Variants in ENTPD7 observed in about 807,000 individuals in gnomAD.
ENTPD7 encodes ectonucleoside triphosphate diphosphohydrolase 7.
ENTPD7 carries 53 observed loss-of-function variants against 77.9 expected under a neutral mutation model. The observed-to-expected ratio is 0.68, with a 90% CI of 0.55 to 0.85. The LOEUF (loss-of-function observed/expected upper bound fraction) is 0.85. ENTPD7 is among the 40% of genes least tolerant of loss of function. ENTPD7 has a pLI of 0.00. For synonymous variants in ENTPD7, 248 were observed against 274.9 expected (o/e 0.90, Z 0.97); for missense variants, 636 against 743.7 (o/e 0.86, Z 1.68).
At chr10:99,698,956 A>C in intron 10 of ENTPD7, 98 bp downstream of exon 10, 1 of 1,134,154 alleles carries the variant, frequency 8.8e-7, no homozygotes, top group Non-Finnish European at 1.2e-6. Context: ...TTGCATACAG[A>C]ATCTCACTTG....
At chr10:99,669,042 C>CTT (rs35881509) in intron 3 of ENTPD7, among the ~76,000 whole-genome samples, 37 of 137,794 alleles carry the variant, frequency 2.7e-4, no homozygotes, top group Middle Eastern at 3.6e-3. Context: ...TTTTATATAT[C>CTT]TTTTTTTTTT....
chr10:99,690,657 C>T (rs1234579698), intron 7 of ENTPD7, among the ~76,000 whole-genome samples: 2 of 152,004 alleles, frequency 1.3e-5, no homozygotes, highest in Admixed American at 1.3e-4. Context: ...ATTCTCCTGC[C>T]TCAGCCCCCT....
chr10:99,689,741 A>G (rs1175347609), intron 7 of ENTPD7, among the ~76,000 whole-genome samples: 1 of 152,210 alleles, frequency 6.6e-6, no homozygotes, highest in East Asian at 1.9e-4. Context: ...TCTGCCTTTC[A>G]TGGAATTGTG....
Position 99,685,799 on chromosome 10 carries a change from T to A in ENTPD7, c.556T>A (p.Leu186Met). ...GMRLLPERKQ[L>M]AILADLVKDL... ...TTTTGTTCTTTCTTGCAGGAAGCAG[T>A]TGGCTATCTTGGCTGACCTAGTGAA... Residue 186 changes from leucine to methionine, a missense_variant, in exon 6 of 13, where the codon TTG (leucine) becomes ATG (methionine). Physicochemically the swap from Leu to Met is conservative, Grantham distance 15. This residue lies in a region of ENTPD7 where 486 missense variants were observed against 556.5 expected (regional missense o/e 0.87). Transcript: ENST00000370489. 6.2e-7 allele frequency: 1 copy of A among 1,613,432 alleles called. No individual in the cohort carries two copies. Among genetic ancestry groups the A allele is most frequent in the Non-Finnish European group, 8.5e-7 (1 of 1,179,512 alleles).
chr10:99,684,536 A>T (rs182143473), intron 5 of ENTPD7, among the ~76,000 whole-genome samples: 99 of 152,338 alleles, frequency 6.5e-4, no homozygotes, highest in Admixed American at 5.4e-3. Flanking sequence ...ATAACAATGA[A>T]CTTTTTTTAA....
At position 99,704,777 on chromosome 10, in the gene ENTPD7, T is replaced by TG. The variant is rs1157873791; in HGVS notation, c.*95dup. Reference sequence around the variant, plus strand: ...ATATAGCCTCAGATGCTGTGATGTCTGACCTTGTGGATATTTGCCCTTGGA... The same window carrying TG: ...ATATAGCCTCAGATGCTGTGATGTCTGGACCTTGTGGATATTTGCCCTTGGA... On this transcript the variant is annotated 3_prime_UTR_variant, in exon 13 of 13. Transcript: ENST00000370489. The TG allele has an allele frequency of 2.6e-6, 3 of 1,158,512 alleles. No individual in the cohort carries two copies. The highest frequency in any genetic ancestry group is 3.7e-6 in the Non-Finnish European group (3 of 811,116). 71.8% of individuals were successfully genotyped at this position (1,158,512 alleles called of 1,614,324 possible).
chr10:99,681,578 G>A (rs567282791), intron 5 of ENTPD7, among the ~76,000 whole-genome samples: 8 of 152,164 alleles, frequency 5.3e-5, no homozygotes, highest in African/African-American at 9.6e-5. Flanking sequence ...CACCGTACCC[G>A]GCCTATATTT....
intron 6 of ENTPD7, among the ~76,000 whole-genome samples, chr10:99,687,259 C>CTTTTTTTTTTTTTTTTTTTTTTTTTTTTT (rs71009768): frequency 2.0e-4 from 6 of 29,522 alleles, no homozygotes; most frequent in African/African-American, 2.8e-4. Context: ...TTCTTTCTTT[C>CTTTTTTTTTTTTTTTTTTTTTTTTTTTTT]TTTTTTTTTT....
At chr10:99,689,047 T>C (rs1388575510) in intron 7 of ENTPD7, among the ~76,000 whole-genome samples, 8 of 147,488 alleles carry the variant, frequency 5.4e-5, no homozygotes, top group Non-Finnish European at 1.0e-4. Context: ...TATTAAAGGT[T>C]TTTTTTTCTC....
intron 3 of ENTPD7, among the ~76,000 whole-genome samples, chr10:99,673,416 G>C (rs934725602): frequency 1.3e-5 from 2 of 152,218 alleles, no homozygotes; most frequent in Non-Finnish European, 2.9e-5. Context: ...CTAGTTGGTT[G>C]AAAGTGTAAG....
intron 8 of ENTPD7, among the ~76,000 whole-genome samples, chr10:99,695,448 G>A (rs2035955305): frequency 6.6e-6 from 1 of 152,008 alleles, no homozygotes; most frequent in Non-Finnish European, 1.5e-5. Flanking sequence ...CTTGAACCCG[G>A]GAGGCGGAGG....
chr10:99,710,202 C>T lies in ENTPD7; in HGVS notation c.*5519C>T. 1.0e-6 allele frequency: 1 copy of T among 985,416 alleles called. No individual in the cohort carries two copies. Among genetic ancestry groups the T allele is most frequent in the Non-Finnish European group, 1.2e-6 (1 of 829,928 alleles). The allele number at this position is 985,416 out of a possible 1,614,324, so 61.0% of individuals were successfully genotyped here. The stretch of plus-strand genomic sequence containing the variant: ...AGTGGCCCCTCCTACAGAGCACTTG[C>T]CGGCATTTGGCCTGCTGCTGGTGAA... On this transcript the variant is annotated 3_prime_UTR_variant, in exon 13 of 13. Transcript: ENST00000370489.
rs1156659581 is a variant in ENTPD7 at position 99,710,250 on chromosome 10, A to C, written c.*5567A>C. The C allele has an allele frequency of 1.0e-6, 1 of 985,234 alleles. No individual in the cohort carries two copies. Among genetic ancestry groups the C allele is most frequent in the Non-Finnish European group, 1.2e-6 (1 of 829,928 alleles). 61.0% of individuals were successfully genotyped at this position (985,234 alleles called of 1,614,324 possible). A position where few individuals can be genotyped will look rare whatever the true frequency, so the allele number is the denominator to read the frequency against. ...GAAGACGCCCCTTACTAGCTTCATA[A>C]ATGTTTTTCTGCAAGCAGGGATCCC... On this transcript the variant is annotated 3_prime_UTR_variant, in exon 13 of 13. Transcript: ENST00000370489.
At chr10:99,675,598 T>TC (rs2035671423) in intron 3 of ENTPD7, among the ~76,000 whole-genome samples, 1 of 4,276 alleles carries the variant, frequency 2.3e-4, no homozygotes, top group Non-Finnish European at 9.1e-4. Context: ...TTGCAACTAA[T>TC]TTTTTTTTTT....
intron 3 of ENTPD7, among the ~76,000 whole-genome samples, chr10:99,669,740 G>GGTT (rs1554835535): frequency 1.7e-5 from 1 of 59,300 alleles, no homozygotes; most frequent in Admixed American, 2.8e-4. Context: ...TAGATGTGTG[G>GGTT]TTTTTTTTTT....
At chr10:99,701,427 A>C (rs1471479557) in intron 11 of ENTPD7, among the ~76,000 whole-genome samples, 1 of 151,768 alleles carries the variant, frequency 6.6e-6, no homozygotes, top group Non-Finnish European at 1.5e-5. Context: ...AGCTGGGACT[A>C]TAGGCACGTG....
At position 99,702,518 on chromosome 10, in the gene ENTPD7, G is replaced by A. The variant is rs2036159693; in HGVS notation, c.1428G>A (p.Gln476=). 1.3e-6 allele frequency: 2 copies of A among 1,568,558 alleles called. No homozygotes were observed. The highest frequency in any genetic ancestry group is 1.7e-6 in the Non-Finnish European group (2 of 1,160,372). ...SHADEHRLKY[Q]CFKSAWMYQV... ...AATTATTTTTGTCACACAGATATCA[G>A]TGTTTTAAATCGGCTTGGATGTACC... The change falls in exon 12 of 13, where the codon CAG becomes CAA. Residue 476 remains glutamine (Q), a synonymous_variant. Transcript: ENST00000370489.
At chr10:99,672,478 A>G (rs2035629353) in intron 3 of ENTPD7, among the ~76,000 whole-genome samples, 1 of 150,276 alleles carries the variant, frequency 6.7e-6, no homozygotes, top group Admixed American at 6.7e-5. Context: ...ACTAATTTTT[A>G]TATTCTTTGT....
At chr10:99,700,457 C>T (rs1052894210) in intron 10 of ENTPD7, among the ~76,000 whole-genome samples, 2 of 150,540 alleles carry the variant, frequency 1.3e-5, no homozygotes, top group South Asian at 4.2e-4. Context: ...TATTGTCTGT[C>T]TCCTACCACT....
Sources: gnomAD v4.1 joint callset for allele counts (sites outside exome capture counted in the v4.1 genomes callset) on GRCh38, gnomAD v4.1.1 for gene constraint, gnomAD v4.1.1 regional missense constraint, MANE v1.5 for transcripts, NCBI Gene and HGNC (gene_info 2026-07-23, HGNC 2026-07-21) for gene names.